LAMB4: variants seen among roughly 807,000 people sequenced by gnomAD.
LAMB4 encodes the protein laminin subunit beta-4.
In LAMB4, 196 loss-of-function variants were observed where a neutral mutation model predicts 199.2. That is an observed-to-expected ratio of 0.98 (90% CI 0.88 to 1.11). LAMB4 has a LOEUF of 1.11. Ranked by LOEUF, LAMB4 falls within the 50% of genes least tolerant of loss-of-function variation. The pLI is 0.00. For synonymous variants in LAMB4, 744 were observed against 770.6 expected (o/e 0.97, Z 0.57); for missense variants, 2,080 against 2,171.2 (o/e 0.96, Z 0.83).
chr7:108,049,313 C>G lies in LAMB4; in HGVS notation c.4122+13G>C, dbSNP rs1202894911. 1.4e-6 allele frequency: 2 copies of G among 1,405,742 alleles called. No homozygotes were observed. Among genetic ancestry groups the G allele is most frequent in the East Asian group, 2.3e-5 (1 of 43,468 alleles). 87.1% of individuals were successfully genotyped at this position (1,405,742 alleles called of 1,614,324 possible). A position where few individuals can be genotyped will look rare whatever the true frequency, so the allele number is the denominator to read the frequency against. On this transcript the variant is annotated intron_variant, in intron 27 of 33. Transcript: ENST00000388781. ...ACCACAAATGCTTTGACCTTACCATCATGAATATTTACCTTTTCATTCAAT... is the reference window on the plus strand; with the variant it reads ...ACCACAAATGCTTTGACCTTACCATGATGAATATTTACCTTTTCATTCAAT...
intron 24 of LAMB4, 133 bp from the exon 25 acceptor site, chr7:108,056,140 T>C (rs2035978923): frequency 5.0e-6 from 4 of 792,192 alleles, no homozygotes; most frequent in Non-Finnish European, 5.9e-6. Context: ...TTAAAGCCAA[T>C]ATAATTTCAG....
intron 1 of LAMB4, among the ~76,000 whole-genome samples, chr7:108,129,772 G>T (rs926310331): frequency 7.2e-5 from 11 of 152,174 alleles, no homozygotes; most frequent in African/African-American, 2.6e-4. Flanking sequence ...CAAGCAATTT[G>T]CCTGCCTCGG....
intron 33 of LAMB4, among the ~76,000 whole-genome samples, chr7:108,027,145 T>C (rs1584577937): frequency 6.6e-6 from 1 of 152,082 alleles, no homozygotes; most frequent in East Asian, 1.9e-4. Flanking sequence ...TCTAGGATAA[T>C]AGAAACTGAC....
chr7:108,066,158 A>G (rs577888587), intron 20 of LAMB4, among the ~76,000 whole-genome samples: 6 of 152,210 alleles, frequency 3.9e-5, no homozygotes, highest in Admixed American at 6.5e-5. Context: ...AGAAAGTAAC[A>G]TGCCAGGCAA....
At chr7:108,027,462 C>T (rs985009531) in intron 33 of LAMB4, among the ~76,000 whole-genome samples, 3 of 152,016 alleles carry the variant, frequency 2.0e-5, no homozygotes, top group African/African-American at 7.2e-5. Context: ...TGACTTTGGC[C>T]CATACTAATG....
chr7:108,063,224 TCA>T (rs762409839), intron 22 of LAMB4, among the ~76,000 whole-genome samples: 22 of 152,290 alleles, frequency 1.4e-4, no homozygotes, highest in Admixed American at 1.2e-3. Context: ...CTCCAAGAGC[TCA>T]CAGTTAGGAT....
At chr7:108,031,964 C>T (rs1039918659) in intron 31 of LAMB4, among the ~76,000 whole-genome samples, 2 of 152,102 alleles carry the variant, frequency 1.3e-5, no homozygotes, top group African/African-American at 4.8e-5. Flanking sequence ...GTTGGTCATA[C>T]TTTCATACAT....
At chr7:108,015,788 C>T in the LAMB4 span, among the ~76,000 whole-genome samples, 2 of 116,986 alleles carry the variant, frequency 1.7e-5, no homozygotes, top group African/African-American at 3.0e-5. Flanking sequence ...ACTCTTAAAA[C>T]AATCCTATTG....
rs542024043 is a variant in LAMB4 at position 108,050,863 on chromosome 7, C to T, written c.3916+1234G>A. On this transcript the variant is annotated intron_variant, in intron 26 of 33. Transcript: ENST00000388781. ...TTACTAATGAACCCAGGAAGGATTC[C>T]GTTTTTGCTACTCTGTTTTTGAAGC... Among the ~76,000 whole-genome samples the T allele has an allele frequency of 2.6e-4, 39 of 152,284 alleles. No homozygotes were observed. In the South Asian group the frequency reaches 5.0e-3, roughly 19 times the overall value.
At chr7:108,078,499 T>C (rs1483632155) in intron 15 of LAMB4, among the ~76,000 whole-genome samples, 183 bp from the exon 16 acceptor site, 1 of 152,218 alleles carries the variant, frequency 6.6e-6, no homozygotes, top group East Asian at 1.9e-4. Context: ...CTCTGATGCC[T>C]GAATTGTGAT....
chr7:108,049,641 A>G (rs1208845602), intron 26 of LAMB4, 110 bp from the exon 27 acceptor site: 1 of 591,924 alleles, frequency 1.7e-6, no homozygotes, highest in African/African-American at 1.9e-5. Context: ...GGTCTCAACT[A>G]TCACCATAAA....
At chr7:108,124,965 A>G (rs1251910642) in intron 1 of LAMB4, among the ~76,000 whole-genome samples, 1 of 152,154 alleles carries the variant, frequency 6.6e-6, no homozygotes, top group Non-Finnish European at 1.5e-5. Context: ...GTGTTTTGCA[A>G]TGCCTGATTT....
At chr7:108,120,495 G>A (rs1235098990) in intron 2 of LAMB4, among the ~76,000 whole-genome samples, 1 of 152,144 alleles carries the variant, frequency 6.6e-6, no homozygotes, top group Non-Finnish European at 1.5e-5. Context: ...TAAAACAAGG[G>A]CACATTTCTT....
chr7:108,046,581 CA>C (rs954328473), intron 28 of LAMB4, among the ~76,000 whole-genome samples: 26 of 149,228 alleles, frequency 1.7e-4, no homozygotes, highest in African/African-American at 6.4e-4. Flanking sequence ...AATGCATTCT[CA>C]AAAAAAAAGT....
intron 33 of LAMB4, chr7:108,026,426 C>T (rs181148624): frequency 3.8e-5 from 6 of 156,140 alleles, no homozygotes; most frequent in Non-Finnish European, 7.1e-5. Flanking sequence ...TAACAGACCA[C>T]GTAGAGAGAG....
At position 108,037,445 on chromosome 7, in the gene LAMB4, C is replaced by G. The variant is rs768569293; in HGVS notation, c.4622G>C (p.Arg1541Thr). The G allele has an allele frequency of 4.3e-6, 7 of 1,614,028 alleles. No individual in the cohort carries two copies. Among genetic ancestry groups the G allele is most frequent in the Middle Eastern group, 3.3e-4 (2 of 6,084 alleles). The change falls in exon 30 of 34, where the codon AGG becomes ACG. Residue 1541 changes from arginine (R) to threonine (T), a missense_variant. Physicochemically the swap from Arg to Thr is moderately conservative, Grantham distance 71. Transcript: ENST00000388781. ...LCEDYRTDEN[R>T]LNEEADGAQK... ...GGCTCCATCTGCTTCTTCATTTAAC[C>G]TGTTTTCATCTGTCCTGTAATCCTC...
At chr7:108,087,568 T>C (rs2037232009) in intron 14 of LAMB4, among the ~76,000 whole-genome samples, 1 of 152,214 alleles carries the variant, frequency 6.6e-6, no homozygotes, top group Non-Finnish European at 1.5e-5. Flanking sequence ...GGAGCTTCTG[T>C]AGCCATGGGA....
chr7:108,115,049 T>C (rs1266714584), intron 3 of LAMB4, among the ~76,000 whole-genome samples: 2 of 152,210 alleles, frequency 1.3e-5, no homozygotes, highest in African/African-American at 2.4e-5. Flanking sequence ...TGAGGACTCA[T>C]GTTCAGCATA....
intron 14 of LAMB4, among the ~76,000 whole-genome samples, chr7:108,081,749 A>T (rs1241006623): frequency 6.6e-6 from 1 of 152,222 alleles, no homozygotes; most frequent in African/African-American, 2.4e-5. Context: ...ATGGGACAGA[A>T]TACAGGCAGG....
Sources: allele counts gnomAD v4.1 joint callset (sites outside exome capture counted in the v4.1 genomes callset), GRCh38; gene constraint gnomAD v4.1.1; transcripts MANE v1.5; gene names NCBI Gene and HGNC (gene_info 2026-07-23, HGNC 2026-07-21).